The following RP1 variants were observed in gnomAD, a reference collection of about 807,000 sequenced individuals.
The protein encoded by RP1 is oxygen-regulated protein 1.
RP1 carries 16 observed loss-of-function variants against 14.8 expected under a neutral mutation model. The observed-to-expected ratio is 1.08, with a 90% CI of 0.73 to 1.65. RP1 has a LOEUF of 1.65. Among genes scored for constraint, RP1 ranks in the 40% most tolerant of loss-of-function variants. The pLI is 0.00. For missense variants in RP1, 2,631 were observed against 2,535.0 expected (o/e 1.04, Z -0.81); for synonymous variants, 876 against 883.6 (o/e 0.99, Z 0.15).
chr8:54,634,358 G>C (rs954923446), downstream of RP1, among the ~76,000 whole-genome samples: 1 of 152,064 alleles, frequency 6.6e-6, no homozygotes, highest in Non-Finnish European at 1.5e-5. Flanking sequence ...ATGAATTTGG[G>C]TCTGTCCAGG....
At chr8:54,565,748 A>C (rs142390436) in intron 1 of RP1, among the ~76,000 whole-genome samples, 6 of 152,298 alleles carry the variant, frequency 3.9e-5, no homozygotes, top group African/African-American at 1.4e-4. Context: ...CTGGTCTCTC[A>C]TCAGACTTAC....
intron 12 of RP1, among the ~76,000 whole-genome samples, chr8:54,685,700 G>T (rs1366717488): frequency 6.6e-6 from 1 of 151,978 alleles, no homozygotes; most frequent in African/African-American, 2.4e-5. Flanking sequence ...GCTATCCTTA[G>T]TGTTAGTGTA....
At chr8:54,745,351 T>C (rs1020466445) in intron 19 of RP1, among the ~76,000 whole-genome samples, 1 of 152,220 alleles carries the variant, frequency 6.6e-6, no homozygotes, top group East Asian at 1.9e-4. Context: ...TTCTCATTAC[T>C]GAATTCTAAC....
chr8:54,664,821 A>G (rs1406212724), intron 7 of RP1, among the ~76,000 whole-genome samples: 1 of 152,142 alleles, frequency 6.6e-6, no homozygotes, highest in East Asian at 1.9e-4. Flanking sequence ...TGAGAGCAAC[A>G]ATAGACACTA....
rs144070790 is a variant in RP1, at chr8:54,749,639, G to A, written c.2809-5164G>A. Among the ~76,000 whole-genome samples the A allele has an allele frequency of 3.7e-3, 559 of 152,172 alleles. 3 individuals carry two copies. The highest frequency in any genetic ancestry group is 6.6e-3 in the East Asian group (34 of 5,164). On this transcript the variant is annotated intron_variant, in intron 19 of 22. Coordinates refer to the RP1 transcript ENST00000636932. ...CTTCAAGAGGAGTTGGGACAGTGCC[G>A]GTCCCTATAGTTTAGAGAGGAATGG...
chr8:54,718,320 AT>A (rs1379990310), intron 15 of RP1, among the ~76,000 whole-genome samples: 1 of 152,218 alleles, frequency 6.6e-6, no homozygotes, highest in Non-Finnish European at 1.5e-5. Flanking sequence ...AAGATTTGCT[AT>A]AAAGCTATAG....
intron 22 of RP1, among the ~76,000 whole-genome samples, chr8:54,765,936 A>G (rs1160226556): frequency 6.6e-6 from 1 of 151,670 alleles, no homozygotes; most frequent in African/African-American, 2.4e-5. Flanking sequence ...ATTTCTCTTT[A>G]TTTTCCAGTA....
chr8:54,611,861 T>TTCCC (rs545025613), upstream of RP1, among the ~76,000 whole-genome samples: 70 of 150,868 alleles, frequency 4.6e-4, no homozygotes, highest in Non-Finnish European at 7.7e-4. Flanking sequence ...GTTGTTTTCT[T>TTCCC]TCCCTCCCTC....
chr8:54,572,197 A>G (rs1351736446), intron 1 of RP1, among the ~76,000 whole-genome samples: 1 of 152,220 alleles, frequency 6.6e-6, no homozygotes, highest in Non-Finnish European at 1.5e-5. Context: ...ATAAAATAAG[A>G]GGTCATCTGC....
intron 7 of RP1, among the ~76,000 whole-genome samples, chr8:54,670,669 T>A (rs949016903): frequency 7.9e-5 from 5 of 63,522 alleles, no homozygotes; most frequent in Non-Finnish European, 1.4e-4. Context: ...ATATATATGT[T>A]TTTATATATA....
At chr8:54,786,254 C>T (rs1171778823) in intron 24 of RP1, among the ~76,000 whole-genome samples, 1 of 152,032 alleles carries the variant, frequency 6.6e-6, no homozygotes, top group Non-Finnish European at 1.5e-5. Context: ...TCTTGGTTGA[C>T]AGTTTTTTTC....
intron 24 of RP1, among the ~76,000 whole-genome samples, chr8:54,810,070 T>C (rs1195111553): frequency 6.6e-6 from 1 of 152,190 alleles, no homozygotes; most frequent in Admixed American, 6.5e-5. Context: ...TTCAGAATGA[T>C]GCACACGCCT....
At chr8:54,666,037 C>T (rs143418119) in intron 7 of RP1, among the ~76,000 whole-genome samples, 199 of 152,116 alleles carry the variant, frequency 1.3e-3, no homozygotes, top group African/African-American at 4.6e-3. Flanking sequence ...CTATCCCCAT[C>T]AGCTCCTACA....
At chr8:54,572,529 G>A (rs1044394445) in intron 1 of RP1, among the ~76,000 whole-genome samples, 1 of 152,194 alleles carries the variant, frequency 6.6e-6, no homozygotes, top group Non-Finnish European at 1.5e-5. Context: ...CCTTTCGACT[G>A]GAACCTTCCT....
chr8:54,674,674 G>C (rs1376178474), intron 8 of RP1, among the ~76,000 whole-genome samples: 2 of 151,946 alleles, frequency 1.3e-5, no homozygotes, highest in Non-Finnish European at 1.5e-5. Context: ...TTAGGAGGTT[G>C]ACAAAGCTGG....
chr8:54,655,965 A>T (rs1806746153), intron 5 of RP1: 1 of 639,814 alleles, frequency 1.6e-6, no homozygotes, highest in South Asian at 2.9e-5. Flanking sequence ...CAAATTATCA[A>T]CAGTTTCTCA....
At position 54,621,054 on chromosome 8, in the gene RP1, A is replaced by G; in HGVS notation, c.88A>G (p.Thr30Ala). 6.2e-7 allele frequency: 1 copy of G among 1,614,008 alleles called. No individual in the cohort carries two copies. The highest frequency in any genetic ancestry group is 8.5e-7 in the Non-Finnish European group (1 of 1,180,006). The change falls in exon 2 of 4, where the codon ACT becomes GCT. Residue 30 changes from threonine (T) to alanine (A), a missense_variant. Coordinates refer to ENST00000220676, the MANE Select transcript of RP1 (RefSeq NM_006269.2). ...QVPPPRHLSLTHPVVAKRISF... is the reference protein window; with the variant it reads ...QVPPPRHLSLAHPVVAKRISF... Reference sequence around the variant, plus strand: ...TCCACCCCCTCGCCATTTGAGCCTCACTCATCCTGTTGTGGCCAAGCGAAT... The same window carrying G: ...TCCACCCCCTCGCCATTTGAGCCTCGCTCATCCTGTTGTGGCCAAGCGAAT...
intron 22 of RP1, among the ~76,000 whole-genome samples, chr8:54,762,299 G>T (rs1383015844): frequency 1.3e-5 from 2 of 152,054 alleles, no homozygotes; most frequent in African/African-American, 2.4e-5. Context: ...GTCCCTTTTT[G>T]TGGGCTCGGG....
At chr8:54,856,742 G>T (rs1396371062) in intron 26 of RP1, among the ~76,000 whole-genome samples, 1 of 152,150 alleles carries the variant, frequency 6.6e-6, no homozygotes, top group Non-Finnish European at 1.5e-5. Flanking sequence ...CGGATTATGA[G>T]CTGTTATTAT....
Sources: gnomAD v4.1 joint callset for allele counts (sites outside exome capture counted in the v4.1 genomes callset) on GRCh38, gnomAD v4.1.1 for gene constraint, MANE v1.5 for transcripts, NCBI Gene and HGNC (gene_info 2026-07-23, HGNC 2026-07-21) for gene names.